Variants in ROBO2 observed in about 807,000 individuals in gnomAD.
ROBO2 encodes the protein roundabout guidance receptor 2.
ROBO2 carries 53 observed loss-of-function variants against 160.8 expected under a neutral mutation model. The observed-to-expected ratio is 0.33, with a 90% CI of 0.26 to 0.41. The LOEUF is 0.41. Ranked by LOEUF, ROBO2 falls within the 10% of genes least tolerant of loss-of-function variation. The pLI, the probability that ROBO2 is intolerant of heterozygous loss-of-function variation, is 1.00. For missense variants in ROBO2, 1,577 were observed against 1,722.4 expected, an observed-to-expected ratio of 0.92 and a Z score of 1.49; for synonymous variants, 664 against 611.7, an observed-to-expected ratio of 1.09 and a Z score of -1.26.
intron 2 of ROBO2, among the ~76,000 whole-genome samples, chr3:77,009,689 G>A (rs947481380): frequency 6.6e-6 from 1 of 152,008 alleles, no homozygotes; most frequent in African/African-American, 2.4e-5. Flanking sequence ...GGTCCACAGT[G>A]GCTCATGCCC....
intron 13 of ROBO2, among the ~76,000 whole-genome samples, chr3:77,574,175 A>G (rs1423861392): frequency 6.6e-6 from 1 of 152,046 alleles, no homozygotes; most frequent in African/African-American, 2.4e-5. Context: ...ATAAAGTTAG[A>G]GATACTGGCA....
At chr3:77,335,777 G>A (rs2066434619) in intron 2 of ROBO2, among the ~76,000 whole-genome samples, 1 of 152,172 alleles carries the variant, frequency 6.6e-6, no homozygotes, top group African/African-American at 2.4e-5. Context: ...AATGGCAACT[G>A]AGCCTAACTG....
chr3:76,625,040 T>C (rs2089527589), intron 2 of ROBO2, among the ~76,000 whole-genome samples: 1 of 152,116 alleles, frequency 6.6e-6, no homozygotes, highest in South Asian at 2.1e-4. Context: ...ATAATCCATT[T>C]AATGCAGTTG....
At chr3:77,555,359 G>C (rs1287442596) in intron 8 of ROBO2, among the ~76,000 whole-genome samples, 1 of 151,832 alleles carries the variant, frequency 6.6e-6, no homozygotes, top group African/African-American at 2.4e-5. Context: ...CAGTGTATCT[G>C]TTGTCACATT....
chr3:77,222,824 T>TC, intron 2 of ROBO2, among the ~76,000 whole-genome samples: 1 of 152,320 alleles, frequency 6.6e-6, no homozygotes, highest in South Asian at 2.1e-4. Flanking sequence ...ACTCCTAATT[T>TC]CATTTTCGTT....
intron 2 of ROBO2, among the ~76,000 whole-genome samples, chr3:76,406,652 G>A (rs187558973): frequency 6.6e-6 from 1 of 151,738 alleles, no homozygotes; most frequent in East Asian, 1.9e-4. Context: ...TCCCACTAAT[G>A]GTATTCTGAT....
chr3:77,541,097 A>T (rs9831289), intron 6 of ROBO2, among the ~76,000 whole-genome samples: 7,265 of 152,292 alleles, frequency 0.048, 268 homozygotes, highest in African/African-American at 0.1. Context: ...TAGAATTAAA[A>T]GTTTATTCAT....
At chr3:77,151,534 C>G (rs999310169) in intron 2 of ROBO2, among the ~76,000 whole-genome samples, 3 of 152,080 alleles carry the variant, frequency 2.0e-5, no homozygotes, top group African/African-American at 2.4e-5. Context: ...CTTTTTGAAT[C>G]TGCAGTGTAA....
At chr3:76,658,410 A>T (rs1422410412) in intron 2 of ROBO2, among the ~76,000 whole-genome samples, 1 of 151,992 alleles carries the variant, frequency 6.6e-6, no homozygotes, top group Non-Finnish European at 1.5e-5. Context: ...ATAAGTATAC[A>T]CGTGCCATGG....
At chr3:76,731,956 C>T (rs1452774222) in intron 2 of ROBO2, among the ~76,000 whole-genome samples, 1 of 151,924 alleles carries the variant, frequency 6.6e-6, no homozygotes, top group Non-Finnish European at 1.5e-5. Context: ...AATATTGCAA[C>T]AGAAATGAGG....
At chr3:77,532,475 T>C (rs1055798012) in intron 6 of ROBO2, among the ~76,000 whole-genome samples, 2 of 152,040 alleles carry the variant, frequency 1.3e-5, no homozygotes, top group Non-Finnish European at 2.9e-5. Flanking sequence ...TTGCTTTATT[T>C]CAATAACCTT....
chr3:77,461,641 TA>T (rs951207750), intron 2 of ROBO2, among the ~76,000 whole-genome samples: 9 of 151,466 alleles, frequency 5.9e-5, no homozygotes, highest in Non-Finnish European at 7.4e-5. Context: ...ATTAGATTTT[TA>T]AAAAAAATTT....
At chr3:76,295,893 T>C (rs1254719606) in intron 2 of ROBO2, among the ~76,000 whole-genome samples, 1 of 152,084 alleles carries the variant, frequency 6.6e-6, no homozygotes, top group Non-Finnish European at 1.5e-5. Context: ...CGGATTGAGA[T>C]AGGAGAAGCT....
intron 2 of ROBO2, among the ~76,000 whole-genome samples, chr3:77,032,915 G>A (rs1361166583): frequency 6.6e-6 from 1 of 152,166 alleles, no homozygotes; most frequent in Non-Finnish European, 1.5e-5. Flanking sequence ...TGCAAGGAGG[G>A]CTGGGGAATT....
chr3:77,310,862 A>G (rs1001775350), intron 2 of ROBO2, among the ~76,000 whole-genome samples: 1 of 151,982 alleles, frequency 6.6e-6, no homozygotes, highest in Non-Finnish European at 1.5e-5. Flanking sequence ...TGAAAAAAAA[A>G]AAATAAAAGA....
chr3:77,189,810 C>A (rs895809124), intron 2 of ROBO2, among the ~76,000 whole-genome samples: 1 of 151,900 alleles, frequency 6.6e-6, no homozygotes, highest in Non-Finnish European at 1.5e-5. Context: ...ATGCCAGATG[C>A]TTTGCTAAGA....
chr3:76,298,105 C>A (rs1709173720), intron 2 of ROBO2, among the ~76,000 whole-genome samples: 1 of 152,136 alleles, frequency 6.6e-6, no homozygotes, highest in Non-Finnish European at 1.5e-5. Context: ...ATAGTACAGC[C>A]TTTTTCGAAA....
chr3:77,163,632 T>C (rs1444908671), intron 2 of ROBO2, among the ~76,000 whole-genome samples: 1 of 152,222 alleles, frequency 6.6e-6, no homozygotes, highest in Admixed American at 6.5e-5. Flanking sequence ...TTTGAAATTA[T>C]AACTGTATGT....
intron 2 of ROBO2, among the ~76,000 whole-genome samples, chr3:76,176,911 A>G (rs2073252868): frequency 1.3e-5 from 2 of 152,128 alleles, no homozygotes; most frequent in African/African-American, 4.8e-5. Context: ...AAACTATACA[A>G]CTACTAAAGG....
Sources: allele counts gnomAD v4.1 joint callset (sites outside exome capture counted in the v4.1 genomes callset), GRCh38; gene constraint gnomAD v4.1.1; transcripts MANE v1.5; gene names NCBI Gene and HGNC (gene_info 2026-07-23, HGNC 2026-07-21).